DAB1: variants seen among roughly 807,000 people sequenced by gnomAD.
The protein encoded by DAB1 is disabled homolog 1.
DAB1 carries 15 observed loss-of-function variants against 64.6 expected under a neutral mutation model. The observed-to-expected ratio is 0.23, with a 90% CI of 0.16 to 0.36. The LOEUF is 0.36. Ranked by LOEUF, DAB1 falls within the 10% of genes least tolerant of loss-of-function variation. DAB1 has a pLI of 1.00. For synonymous variants in DAB1, 235 were observed against 251.9 expected (o/e 0.93, Z 0.64); for missense variants, 596 against 706.7 (o/e 0.84, Z 1.78).
intron 5 of DAB1, among the ~76,000 whole-genome samples, chr1:57,980,393 T>A (rs902944351): frequency 2.6e-5 from 4 of 152,122 alleles, no homozygotes; most frequent in African/African-American, 7.2e-5. Context: ...CTTCCTTATC[T>A]CCACTCTTCC....
chr1:58,516,419 AG>A (rs1646158668), intron 2 of DAB1, among the ~76,000 whole-genome samples: 1 of 152,352 alleles, frequency 6.6e-6, no homozygotes, highest in African/African-American at 2.4e-5. Flanking sequence ...AATACTTAAC[AG>A]GACCTCTTTT....
chr1:58,186,988 T>C (rs1214569502), intron 4 of DAB1, among the ~76,000 whole-genome samples: 1 of 152,120 alleles, frequency 6.6e-6, no homozygotes, highest in Non-Finnish European at 1.5e-5. Flanking sequence ...ACTACTAAAT[T>C]ACATGGCAAA....
chr1:57,948,358 AT>A (rs1211454989), intron 5 of DAB1, among the ~76,000 whole-genome samples: 2 of 152,142 alleles, frequency 1.3e-5, no homozygotes, highest in Non-Finnish European at 2.9e-5. Context: ...TGTCTTTATG[AT>A]TTTCCAAACT....
At chr1:57,123,084 C>G (rs190369946) in intron 4 of DAB1, among the ~76,000 whole-genome samples, 1 of 152,112 alleles carries the variant, frequency 6.6e-6, no homozygotes, top group East Asian at 1.9e-4. Context: ...GATCAGAAAT[C>G]TTAAATTATA....
chr1:58,145,590 C>A lies in DAB1; in HGVS notation n.387+4921G>T, dbSNP rs190047416. ...AAATACTACAATTATTGAAATCATCCAGTCCAAATTCCTCATTTTACAGAT... is the reference window on the plus strand; with the variant it reads ...AAATACTACAATTATTGAAATCATCAAGTCCAAATTCCTCATTTTACAGAT... On this transcript the variant is annotated intron_variant and non_coding_transcript_variant, in intron 5 of 20. Transcript: ENST00000485760. Among the ~76,000 whole-genome samples, 209 of 152,282 alleles carry A rather than the reference C, an allele frequency of 1.4e-3. 1 individual carries two copies. The highest frequency in any genetic ancestry group is 3.8e-3 in the Admixed American group (58 of 15,290).
chr1:57,117,524 A>T (rs758244850), intron 4 of DAB1, among the ~76,000 whole-genome samples: 1 of 152,186 alleles, frequency 6.6e-6, no homozygotes, highest in East Asian at 1.9e-4. Flanking sequence ...CCATCTCTTC[A>T]TTTTTGAGGC....
intron 4 of DAB1, among the ~76,000 whole-genome samples, chr1:57,110,124 T>C (rs1178053343): frequency 1.3e-5 from 2 of 152,202 alleles, no homozygotes; most frequent in Non-Finnish European, 2.9e-5. Context: ...TGTTCATTTA[T>C]CACATGCTTA....
intron 1 of DAB1, among the ~76,000 whole-genome samples, chr1:57,396,836 A>C (rs947382198): frequency 1.3e-5 from 2 of 152,166 alleles, no homozygotes; most frequent in Non-Finnish European, 2.9e-5. Context: ...GAAGCTGAAC[A>C]AGTCACTTGT....
At chr1:58,022,668 C>A (rs1209503405) in intron 5 of DAB1, among the ~76,000 whole-genome samples, 2 of 152,142 alleles carry the variant, frequency 1.3e-5, no homozygotes, top group African/African-American at 2.4e-5. Flanking sequence ...AAATCAATTA[C>A]AGTAAAAGCA....
At chr1:57,574,188 T>C (rs1317454585) in intron 7 of DAB1, among the ~76,000 whole-genome samples, 1 of 152,166 alleles carries the variant, frequency 6.6e-6, no homozygotes, top group Non-Finnish European at 1.5e-5. Flanking sequence ...GAGAAGGCCA[T>C]GGTGGCTATC....
At chr1:58,417,075 T>C (rs1309674250) in intron 3 of DAB1, among the ~76,000 whole-genome samples, 1 of 152,208 alleles carries the variant, frequency 6.6e-6, no homozygotes, top group East Asian at 1.9e-4. Context: ...AAAATTCCTA[T>C]TGACTTGACA....
chr1:57,506,889 C>G (rs937410858), intron 7 of DAB1, among the ~76,000 whole-genome samples: 1 of 152,292 alleles, frequency 6.6e-6, no homozygotes, highest in Admixed American at 6.5e-5. Flanking sequence ...CTGTTTTTCT[C>G]TGAACCCACC....
intron 5 of DAB1, among the ~76,000 whole-genome samples, chr1:58,097,515 G>T (rs78984906): frequency 6.8e-6 from 1 of 147,926 alleles, no homozygotes; most frequent in Non-Finnish European, 1.5e-5. Flanking sequence ...GGATGTTCAG[G>T]AAGCCTTTTT....
In DAB1 at chr1:57,976,563, C is replaced by T. The variant is rs139539552; in HGVS notation, n.388-92401G>A. Among the ~76,000 whole-genome samples the T allele has an allele frequency of 1.3e-4, 20 of 152,214 alleles. No individual in the cohort carries two copies. In the East Asian group the frequency reaches 3.9e-3, roughly 29 times the overall value. ...GGATGATATCCAAACATTCATCAGG[C>T]TCATCAAAGTTATGAGCAAAATAAT... is the stretch of plus-strand genomic sequence containing the variant. On this transcript the variant is annotated intron_variant and non_coding_transcript_variant, in intron 5 of 20. Transcript: ENST00000485760.
At chr1:58,132,551 C>G (rs1653685166) in intron 5 of DAB1, among the ~76,000 whole-genome samples, 1 of 152,194 alleles carries the variant, frequency 6.6e-6, no homozygotes, top group Admixed American at 6.5e-5. Flanking sequence ...AGCCAGGGAT[C>G]TCTGAGGATC....
chr1:58,413,863 G>C (rs987896353), intron 3 of DAB1, among the ~76,000 whole-genome samples: 1 of 152,104 alleles, frequency 6.6e-6, no homozygotes, highest in Non-Finnish European at 1.5e-5. Flanking sequence ...CTCGACAACA[G>C]GGATACCTTC....
rs1310019006 is a variant in DAB1 at position 57,323,164 on chromosome 1, T to C, written c.-136-31998A>G. Among the ~76,000 whole-genome samples the C allele has an allele frequency of 2.6e-5, 4 of 152,188 alleles. No homozygotes were observed. In the East Asian group the frequency reaches 7.7e-4, roughly 29 times the overall value. ...CCTAATTCTCCCTAAATCCTCTCTC[T>C]AGTCTTTCCTTCCTGTATGTTGCCG... On this transcript the variant is annotated intron_variant, in intron 1 of 14. Transcript: ENST00000371236.
At chr1:57,478,729 A>T (rs907219019) in intron 7 of DAB1, among the ~76,000 whole-genome samples, 2 of 150,492 alleles carry the variant, frequency 1.3e-5, no homozygotes, top group Non-Finnish European at 3.0e-5. Context: ...AGTAGCTGGG[A>T]TTACAGGTGC....
At chr1:57,460,115 C>T (rs1686733707) in intron 7 of DAB1, among the ~76,000 whole-genome samples, 1 of 152,044 alleles carries the variant, frequency 6.6e-6, no homozygotes, top group Admixed American at 6.5e-5. Context: ...TAGAGAGCAC[C>T]ATTAGTTGAG....
Sources: gnomAD v4.1 joint callset for allele counts (sites outside exome capture counted in the v4.1 genomes callset) on GRCh38, gnomAD v4.1.1 for gene constraint, MANE v1.5 for transcripts, NCBI Gene and HGNC (gene_info 2026-07-23, HGNC 2026-07-21) for gene names.